BFSP2: variants seen among roughly 807,000 people sequenced by gnomAD.
BFSP2 encodes beaded filament structural protein 2.
BFSP2 carries 38 observed loss-of-function variants against 44.9 expected under a neutral mutation model. That is an observed-to-expected ratio of 0.85 (90% CI 0.65 to 1.11). BFSP2 has a LOEUF of 1.11. BFSP2 is among the 50% of genes least tolerant of loss of function. The pLI is 0.00. For synonymous variants in BFSP2, 197 were observed against 209.9 expected, an observed-to-expected ratio of 0.94 and a Z score of 0.53; for missense variants, 525 against 533.0, an observed-to-expected ratio of 0.99 and a Z score of 0.15.
chr3:133,430,378 TAA>T (rs901390184), intron 1 of BFSP2, among the ~76,000 whole-genome samples: 13 of 151,452 alleles, frequency 8.6e-5, no homozygotes, highest in African/African-American at 2.7e-4. Flanking sequence ...ACCAACAGTG[TAA>T]AAGTGTTCCT....
At chr3:133,430,503 T>G (rs2073702802) in intron 1 of BFSP2, among the ~76,000 whole-genome samples, 3 of 152,188 alleles carry the variant, frequency 2.0e-5, no homozygotes, top group Admixed American at 2.0e-4. Flanking sequence ...TCTCTGATTT[T>G]CTTCTGCAAT....
At chr3:133,443,612 G>C (rs1228532887) in intron 1 of BFSP2, among the ~76,000 whole-genome samples, 1 of 152,238 alleles carries the variant, frequency 6.6e-6, no homozygotes, top group Non-Finnish European at 1.5e-5. Context: ...ATTAAGAGCA[G>C]TATCACTGGG....
intron 1 of BFSP2, among the ~76,000 whole-genome samples, chr3:133,407,869 A>G (rs2073417141): frequency 6.6e-6 from 1 of 152,182 alleles, no homozygotes; most frequent in African/African-American, 2.4e-5. Flanking sequence ...GCTGTACCCT[A>G]GGGTCAGTTC....
Position 133,475,114 on chromosome 3 carries a change from A to G in BFSP2, c.*142A>G. 1 of 1,168,332 alleles carries G rather than the reference A, an allele frequency of 8.6e-7. No homozygotes were observed. Among genetic ancestry groups the G allele is most frequent in the East Asian group, 2.3e-5 (1 of 42,664 alleles). The allele number at this position is 1,168,332 out of a possible 1,614,324, so 72.4% of individuals were successfully genotyped here. On this transcript the variant is annotated 3_prime_UTR_variant, in exon 7 of 7. Coordinates refer to ENST00000302334, the MANE Select transcript of BFSP2 (RefSeq NM_003571.4). ...AGCTTGAGCTGAAAAGCTTCCTGGA[A>G]GTGGAGAGGATCCTTCTGCTTTAAT...
At chr3:133,417,285 C>A (rs111162463) in intron 1 of BFSP2, among the ~76,000 whole-genome samples, 1 of 146,106 alleles carries the variant, frequency 6.8e-6, no homozygotes, top group Admixed American at 6.7e-5. Context: ...CTTGCCCTCT[C>A]CCTTCTGCTC....
At chr3:133,448,766 C>G (rs2073928424) in intron 3 of BFSP2, 121 bp downstream of exon 3, 1 of 1,294,268 alleles carries the variant, frequency 7.7e-7, no homozygotes, top group Non-Finnish European at 1.1e-6. Flanking sequence ...GTGCCCAGGA[C>G]TGCAGGGAAC....
At chr3:133,474,255 GA>G (rs1386088635) in intron 6 of BFSP2, among the ~76,000 whole-genome samples, 10 of 152,174 alleles carry the variant, frequency 6.6e-5, no homozygotes, top group African/African-American at 2.4e-4. Context: ...AAGGAATAGA[GA>G]CAGCTTAGTG....
intron 1 of BFSP2, among the ~76,000 whole-genome samples, chr3:133,434,691 G>A (rs866604570): frequency 3.3e-5 from 5 of 152,132 alleles, no homozygotes; most frequent in Middle Eastern, 3.4e-3. Flanking sequence ...GTAAATGGCC[G>A]GTCCTTGCCT....
At chr3:133,417,150 TCTC>T (rs1476658925) in intron 1 of BFSP2, among the ~76,000 whole-genome samples, 2 of 90,674 alleles carry the variant, frequency 2.2e-5, no homozygotes, top group Non-Finnish European at 4.2e-5. Context: ...CTCTCCCCTC[TCTC>T]ATCTCTCTAC....
chr3:133,466,677 C>CAGAAAAAAA (rs2074112673), intron 4 of BFSP2, 151 bp from the exon 5 acceptor site: 1 of 182,404 alleles, frequency 5.5e-6, no homozygotes, highest in Non-Finnish European at 9.6e-6. Context: ...TTCATCTCAA[C>CAGAAAAAAA]AAAAAAAAAA....
At position 133,472,492 on chromosome 3, in the gene BFSP2, C is replaced by G. The variant is rs1319986290; in HGVS notation, c.1171C>G (p.Leu391Val). 1.9e-6 allele frequency: 3 copies of G among 1,613,368 alleles called. No homozygotes were observed. The highest frequency in any genetic ancestry group is 2.5e-6 in the Non-Finnish European group (3 of 1,180,022). ...AEQQQQERAH[L>V]LARKCQLQKD... ...GCAGCAGCAACAGGAGCGCGCGCATCTGCTGGCCCGCAAGTGCCAGCTGCA... is the reference window on the plus strand; with the variant it reads ...GCAGCAGCAACAGGAGCGCGCGCATGTGCTGGCCCGCAAGTGCCAGCTGCA... Residue 391 changes from leucine (L) to valine (V), a missense_variant, in exon 6 of 7, where the codon CTG (leucine) becomes GTG (valine). Physicochemically the swap from Leu to Val is conservative, Grantham distance 32. Coordinates refer to ENST00000302334, the MANE Select transcript of BFSP2 (RefSeq NM_003571.4).
At position 133,422,105 on chromosome 3, in the gene BFSP2, C is replaced by CAAAAAA. The variant is rs35193779; in HGVS notation, c.489+21549_489+21554dup. On this transcript the variant is annotated intron_variant, in intron 1 of 6. Transcript: ENST00000302334. ...CTGGCAACAAAGCGAGACTCCATCTCAAAAAAAAAAAAAAAAAAAAATCCA... is the reference window on the plus strand; with the variant it reads ...CTGGCAACAAAGCGAGACTCCATCTCAAAAAAAAAAAAAAAAAAAAAAAAAAATCCA... Among the ~76,000 whole-genome samples, 644 of 84,028 alleles carry CAAAAAA rather than the reference C, an allele frequency of 7.7e-3. 27 individuals are homozygous for CAAAAAA. The highest frequency in any genetic ancestry group is 0.021 in the African/African-American group (361 of 17,370). The allele number at this position is 84,028 out of a possible 152,430, so 55.1% of individuals were successfully genotyped here.
chr3:133,400,431 G>A lies in BFSP2; in HGVS notation c.348G>A (p.Val116=). 1.2e-6 allele frequency: 2 copies of A among 1,614,048 alleles called. No individual in the cohort carries two copies. Among genetic ancestry groups the A allele is most frequent in the Non-Finnish European group, 1.7e-6 (2 of 1,180,038 alleles). The change falls in exon 1 of 7, where the codon GTG becomes GTA. Residue 116 remains valine (V), a synonymous_variant. Coordinates refer to ENST00000302334, the MANE Select transcript of BFSP2 (RefSeq NM_003571.4). This position sits in a 1 kb window ranked among gnomAD's most constrained non-coding sequence, Gnocchi z 4.0. The part of the protein sequence containing the change: ...GAVEDLGGCL[V]EYMAKVHALE... ...TTGAGGACCTAGGGGGCTGCCTGGT[G>A]GAATATATGGCCAAAGTGCACGCCC...
chr3:133,431,006 TTTTTCTTTA>T, intron 1 of BFSP2, among the ~76,000 whole-genome samples: 1 of 152,240 alleles, frequency 6.6e-6, no homozygotes, highest in South Asian at 2.1e-4. Context: ...TTAATGCTCC[TTTTTCTTTA>T]CCCCAAATCA....
chr3:133,415,363 T>TGCC (rs375805065), intron 1 of BFSP2, among the ~76,000 whole-genome samples: 2 of 78,920 alleles, frequency 2.5e-5, no homozygotes. Flanking sequence ...TACTCACCCC[T>TGCC]CTACTCAACC....
At chr3:133,402,729 C>T (rs1177076876) in intron 1 of BFSP2, among the ~76,000 whole-genome samples, 4 of 151,860 alleles carry the variant, frequency 2.6e-5, no homozygotes, top group African/African-American at 9.7e-5. Flanking sequence ...TAACCTCCAC[C>T]TCCCGGGTTC....
At chr3:133,421,716 G>T (rs1298812003) in intron 1 of BFSP2, among the ~76,000 whole-genome samples, 1 of 152,156 alleles carries the variant, frequency 6.6e-6, no homozygotes, top group Non-Finnish European at 1.5e-5. Context: ...CCAACATTTT[G>T]TCCTGTTTTG....
chr3:133,424,400 C>T (rs1402248953), intron 1 of BFSP2, among the ~76,000 whole-genome samples: 1 of 151,922 alleles, frequency 6.6e-6, no homozygotes, highest in East Asian at 1.9e-4. Flanking sequence ...ACAGAAGAAA[C>T]CTCGTTTCTT....
chr3:133,417,387 C>G (rs369377124), intron 1 of BFSP2, among the ~76,000 whole-genome samples: 3 of 112,462 alleles, frequency 2.7e-5, no homozygotes, highest in Admixed American at 8.8e-5. Context: ...CTCCCCTCTA[C>G]GTACCCCTGC....
Sources: gnomAD v4.1 joint callset for allele counts (sites outside exome capture counted in the v4.1 genomes callset) on GRCh38, gnomAD v4.1.1 for gene constraint, Gnocchi (gnomAD v3.1) non-coding constraint, MANE v1.5 for transcripts, NCBI Gene and HGNC (gene_info 2026-07-23, HGNC 2026-07-21) for gene names.